The following TRHDE variants were observed in gnomAD, a reference collection of about 807,000 sequenced individuals.
TRHDE encodes the protein thyrotropin releasing hormone degrading enzyme.
TRHDE carries 72 observed loss-of-function variants against 125.7 expected under a neutral mutation model. That is an observed-to-expected ratio of 0.57 (90% CI 0.47 to 0.70). TRHDE has a LOEUF of 0.70. TRHDE is among the 30% of genes least tolerant of loss of function. TRHDE has a pLI of 0.00. For synonymous variants in TRHDE, 509 were observed against 509.1 expected, an observed-to-expected ratio of 1.00 and a Z score of 0.00; for missense variants, 1,110 against 1,327.1, an observed-to-expected ratio of 0.84 and a Z score of 2.54.
chr12:72,429,098 A>G (rs1165410070), intron 3 of TRHDE, among the ~76,000 whole-genome samples: 2 of 152,122 alleles, frequency 1.3e-5, no homozygotes, highest in African/African-American at 4.8e-5. Flanking sequence ...ACAAGATCAG[A>G]AAACCAAACA....
intron 2 of TRHDE, among the ~76,000 whole-genome samples, chr12:72,193,123 T>A (rs1164415934): frequency 1.3e-5 from 2 of 152,084 alleles, no homozygotes; most frequent in Non-Finnish European, 2.9e-5. Context: ...AGTATCAGTA[T>A]ACAAAATTTT....
chr12:72,247,948 A>G (rs1297251381), intron 2 of TRHDE, among the ~76,000 whole-genome samples: 2 of 152,004 alleles, frequency 1.3e-5, no homozygotes, highest in African/African-American at 2.4e-5. Flanking sequence ...TCTTTTTATC[A>G]TCTATCAATC....
In TRHDE at chr12:72,650,616, T is replaced by G. The variant is rs142244446; in HGVS notation, c.2676-1706T>G. On this transcript the variant is annotated intron_variant, in intron 15 of 18. Coordinates refer to ENST00000261180, the MANE Select transcript of TRHDE (RefSeq NM_013381.3). The stretch of plus-strand genomic sequence containing the variant: ...AATAAATACATCTTAGAAAGTAAAC[T>G]TACTATAGTATCATGCTTAATATTA... Among the ~76,000 whole-genome samples, 487 of 152,224 alleles carry G rather than the reference T, an allele frequency of 3.2e-3. 3 individuals are homozygous for G. Among genetic ancestry groups the G allele is most frequent in the Middle Eastern group, 0.014 (4 of 294 alleles).
intron 2 of TRHDE, among the ~76,000 whole-genome samples, chr12:72,106,565 G>A (rs951587499): frequency 6.6e-6 from 1 of 152,078 alleles, no homozygotes; most frequent in Non-Finnish European, 1.5e-5. Context: ...ATTTTAGCTT[G>A]CAAAGTTGAA....
intron 2 of TRHDE, among the ~76,000 whole-genome samples, chr12:72,158,156 A>G (rs1219912923): frequency 1.3e-5 from 2 of 152,170 alleles, no homozygotes; most frequent in Admixed American, 1.3e-4. Context: ...GGTTTGGGAA[A>G]GAAAAGTGAG....
chr12:72,414,437 T>G (rs1355150272), intron 3 of TRHDE, among the ~76,000 whole-genome samples: 1 of 151,800 alleles, frequency 6.6e-6, no homozygotes, highest in Non-Finnish European at 1.5e-5. Flanking sequence ...AGAAGAAAAA[T>G]AAAGAAAGAA....
chr12:72,495,064 T>TG (rs1877850255), intron 5 of TRHDE, among the ~76,000 whole-genome samples: 1 of 135,994 alleles, frequency 7.4e-6, no homozygotes, highest in African/African-American at 2.7e-5. Context: ...TCCCCCGTTT[T>TG]TTTTTTTTTT....
chr12:72,598,510 A>G (rs1872072833), intron 12 of TRHDE, among the ~76,000 whole-genome samples: 2 of 152,294 alleles, frequency 1.3e-5, no homozygotes, highest in South Asian at 2.1e-4. Context: ...ATAGATCTCT[A>G]TATCAAGTCT....
intron 6 of TRHDE, among the ~76,000 whole-genome samples, chr12:72,530,411 A>G (rs1217010272): frequency 8.0e-6 from 1 of 125,572 alleles, no homozygotes; most frequent in Non-Finnish European, 1.6e-5. Context: ...TTTGTTTCCT[A>G]GAAGCTTTTT....
intron 12 of TRHDE, among the ~76,000 whole-genome samples, chr12:72,579,588 G>A (rs1239527527): frequency 6.6e-6 from 1 of 152,030 alleles, no homozygotes; most frequent in African/African-American, 2.4e-5. Flanking sequence ...GCTTTGTGGT[G>A]GTTATCATTC....
At chr12:72,269,649 A>AAC (rs1051777020), upstream of TRHDE, among the ~76,000 whole-genome samples, 2 of 152,162 alleles carry the variant, frequency 1.3e-5, no homozygotes, top group East Asian at 3.8e-4. Flanking sequence ...AAAGGGTACA[A>AAC]ACACACAGCA....
intron 3 of TRHDE, among the ~76,000 whole-genome samples, chr12:72,433,362 A>T (rs1389652338): frequency 3.3e-5 from 5 of 152,100 alleles, no homozygotes; most frequent in African/African-American, 1.2e-4. Flanking sequence ...AATTCTTTAA[A>T]CATCTGGTCC....
At chr12:72,213,739 A>G (rs1316029793) in intron 2 of TRHDE, among the ~76,000 whole-genome samples, 1 of 152,192 alleles carries the variant, frequency 6.6e-6, no homozygotes, top group Non-Finnish European at 1.5e-5. Context: ...ATGCCATAAC[A>G]TAAAACAAAA....
chr12:72,619,259 G>C (rs968672367), intron 13 of TRHDE, among the ~76,000 whole-genome samples: 1 of 152,088 alleles, frequency 6.6e-6, no homozygotes, highest in Non-Finnish European at 1.5e-5. Flanking sequence ...AAGCTTAAAT[G>C]CTTCAGAATT....
At chr12:72,423,579 T>C (rs1194694720) in intron 3 of TRHDE, among the ~76,000 whole-genome samples, 1 of 152,196 alleles carries the variant, frequency 6.6e-6, no homozygotes, top group Non-Finnish European at 1.5e-5. Context: ...AATTCATGGA[T>C]TGTTGTAGGC....
intron 3 of TRHDE, among the ~76,000 whole-genome samples, chr12:72,422,016 G>A (rs901832567): frequency 1.1e-4 from 17 of 152,092 alleles, no homozygotes; most frequent in African/African-American, 3.6e-4. Flanking sequence ...TAGAATTATT[G>A]TTATAAAAAG....
intron 2 of TRHDE, among the ~76,000 whole-genome samples, chr12:72,205,202 C>T (rs781285812): frequency 6.6e-6 from 1 of 152,086 alleles, no homozygotes; most frequent in Non-Finnish European, 1.5e-5. Flanking sequence ...TTTTCATGCC[C>T]TTTGGTACAC....
chr12:72,379,906 T>G (rs1410698675), intron 3 of TRHDE, among the ~76,000 whole-genome samples: 1 of 152,244 alleles, frequency 6.6e-6, no homozygotes, highest in Non-Finnish European at 1.5e-5. Flanking sequence ...TCTACTTATT[T>G]TATATATCTA....
chr12:72,601,351 A>G (rs929580286), intron 12 of TRHDE, among the ~76,000 whole-genome samples: 2 of 152,150 alleles, frequency 1.3e-5, no homozygotes, highest in Admixed American at 6.5e-5. Context: ...GTGGATGAGC[A>G]AAGAAAGTGG....
Sources: gnomAD v4.1 joint callset for allele counts (sites outside exome capture counted in the v4.1 genomes callset) on GRCh38, gnomAD v4.1.1 for gene constraint, MANE v1.5 for transcripts, NCBI Gene and HGNC (gene_info 2026-07-23, HGNC 2026-07-21) for gene names.